Variants in TMPRSS11B observed in about 807,000 individuals in gnomAD.
The protein encoded by TMPRSS11B is transmembrane protease serine 11B.
In TMPRSS11B, 53 loss-of-function variants were observed where a neutral mutation model predicts 44.7. That is an observed-to-expected ratio of 1.19 (90% CI 0.95 to 1.49). The LOEUF (loss-of-function observed/expected upper bound fraction) is 1.49, where lower values mean the gene tolerates loss of function less well. Ranked by LOEUF, TMPRSS11B falls within the 40% of genes most tolerant of loss-of-function variation. The probability of loss-of-function intolerance (pLI) is 0.00; values close to 1 mark genes in which losing one functional copy is unlikely to be tolerated. For synonymous variants in TMPRSS11B, 140 were observed against 159.2 expected, an observed-to-expected ratio of 0.88 and a Z score of 0.91; for missense variants, 526 against 494.8, an observed-to-expected ratio of 1.06 and a Z score of -0.60.
chr4:68,226,948 A>G lies in TMPRSS11B; in HGVS notation c.*963T>C, dbSNP rs1251129972. ...TTCTTTAATTCCTGACAAATTTTGGATGTCAACTCAATGAGGACAAATTTG... is the reference window on the plus strand; with the variant it reads ...TTCTTTAATTCCTGACAAATTTTGGGTGTCAACTCAATGAGGACAAATTTG... On this transcript the variant is annotated 3_prime_UTR_variant, in exon 10 of 10. Transcript: ENST00000332644. 1 of 152,250 alleles carries G rather than the reference A, an allele frequency of 6.6e-6. No individual in the cohort carries two copies. Among genetic ancestry groups the G allele is most frequent in the Non-Finnish European group, 1.5e-5 (1 of 68,044 alleles). The allele number at this position is 152,250 out of a possible 1,614,324, so 9.4% of individuals were successfully genotyped here. A position where few individuals can be genotyped will look rare whatever the true frequency, so the allele number is the denominator to read the frequency against.
In TMPRSS11B at chr4:68,226,779, C is replaced by T. The variant is rs1029861071; in HGVS notation, c.*1132G>A. ...AAAGTTAGCCATCCATATGATTGCA[C>T]TTTTACTATAAGGAGATGCCACACA... On this transcript the variant is annotated 3_prime_UTR_variant, in exon 10 of 10. Transcript: ENST00000332644. The T allele has an allele frequency of 6.6e-5, 10 of 152,268 alleles. No individual in the cohort carries two copies. Among genetic ancestry groups the T allele is most frequent in the Admixed American group, 4.6e-4 (7 of 15,298 alleles). The allele number at this position is 152,268 out of a possible 1,614,324, so 9.4% of individuals were successfully genotyped here. A position where few individuals can be genotyped will look rare whatever the true frequency, so the allele number is the denominator to read the frequency against.
Position 68,232,534 on chromosome 4 carries a change from T to G in TMPRSS11B, c.470-118A>C. On this transcript the variant is annotated intron_variant, in intron 5 of 9. Coordinates refer to ENST00000332644, the MANE Select transcript of TMPRSS11B (RefSeq NM_182502.3). ...CCCAATATTGTCCAACATTTAACTA[T>G]TTGGAGTAGTTCAGGTATTTTCAGC... The G allele has an allele frequency of 6.9e-6, 6 of 864,374 alleles. No individual in the cohort carries two copies. The South Asian group carries it at 9.8e-5, about 14-fold the overall frequency. The allele number at this position is 864,374 out of a possible 1,614,324, so 53.5% of individuals were successfully genotyped here.
intron 2 of TMPRSS11B, among the ~76,000 whole-genome samples, chr4:68,239,284 G>A (rs988368385): frequency 8.1e-4 from 122 of 151,418 alleles, no homozygotes; most frequent in African/African-American, 2.7e-3. Context: ...TCTCTCTCTC[G>A]CACTCTATCT....
intron 2 of TMPRSS11B, among the ~76,000 whole-genome samples, chr4:68,237,002 A>G (rs938566053): frequency 6.6e-6 from 1 of 151,630 alleles, no homozygotes; most frequent in Non-Finnish European, 1.5e-5. Context: ...GATTTGTCAC[A>G]TAGGTATACA....
chr4:68,242,329 TTATATTATA>T (rs1719872476), intron 1 of TMPRSS11B, among the ~76,000 whole-genome samples: 1 of 9,064 alleles, frequency 1.1e-4, no homozygotes, highest in African/African-American at 2.7e-4. Flanking sequence ...ATATATAATA[TTATATTATA>T]TATATATTAT....
In TMPRSS11B at chr4:68,227,896, A is replaced by G; in HGVS notation, c.*15T>C. 1 of 1,594,244 alleles carries G rather than the reference A, an allele frequency of 6.3e-7. No homozygotes were observed. The highest frequency in any genetic ancestry group is 8.5e-7 in the Non-Finnish European group (1 of 1,172,458). ...TACAGTGGTCTTTATGTTCCTTTGT[A>G]TAATTCCTTTTTTTTCAGAGTCCAG... On this transcript the variant is annotated 3_prime_UTR_variant, in exon 10 of 10. Coordinates refer to ENST00000332644, the MANE Select transcript of TMPRSS11B (RefSeq NM_182502.3).
At chr4:68,232,875 C>T (rs10006952) in intron 5 of TMPRSS11B, among the ~76,000 whole-genome samples, 3,292 of 135,442 alleles carry the variant, frequency 0.024, 111 homozygotes, top group African/African-American at 0.083. Context: ...CTTACAAATA[C>T]TTTTAAGAGA....
intron 1 of TMPRSS11B, among the ~76,000 whole-genome samples, chr4:68,243,702 TC>T (rs1215000237): frequency 6.6e-6 from 1 of 152,188 alleles, no homozygotes; most frequent in Non-Finnish European, 1.5e-5. Context: ...CAGTAAGGTC[TC>T]AAATTTGTTT....
intron 2 of TMPRSS11B, among the ~76,000 whole-genome samples, chr4:68,237,832 A>G (rs944284656): frequency 6.6e-6 from 1 of 152,170 alleles, no homozygotes; most frequent in Admixed American, 6.5e-5. Context: ...CCTGGACAGC[A>G]TAGTGAGAGC....
intron 9 of TMPRSS11B, 113 bp from the exon 10 acceptor site, chr4:68,228,185 G>GCATTTTTTC: frequency 1.0e-6 from 1 of 983,170 alleles, no homozygotes; most frequent in Non-Finnish European, 1.4e-6. Context: ...CTCTCTTTGG[G>GCATTTTTTC]CTTAGAACTC....
chr4:68,231,950 C>G (rs1006708665), intron 6 of TMPRSS11B: 1 of 157,016 alleles, frequency 6.4e-6, no homozygotes, highest in Admixed American at 6.5e-5. Flanking sequence ...TGCACTCCAG[C>G]CCACACAACA....
intron 2 of TMPRSS11B, 111 bp from the exon 3 acceptor site, chr4:68,236,377 A>G (rs1719667988): frequency 5.9e-6 from 4 of 678,336 alleles, no homozygotes; most frequent in South Asian, 1.9e-5. Flanking sequence ...TAATCCATTT[A>G]TACCTCTGCC....
chr4:68,242,807 T>C (rs1022384983), intron 1 of TMPRSS11B, among the ~76,000 whole-genome samples: 2 of 152,086 alleles, frequency 1.3e-5, no homozygotes, highest in Non-Finnish European at 2.9e-5. Context: ...GCTCAAGCGA[T>C]CTGCCCATCT....
Position 68,236,060 on chromosome 4 carries a change from C to A in TMPRSS11B, c.250G>T (p.Ala84Ser). 6.3e-7 allele frequency: 1 copy of A among 1,591,232 alleles called. No individual in the cohort carries two copies. Among genetic ancestry groups the A allele is most frequent in the Non-Finnish European group, 8.5e-7 (1 of 1,169,860 alleles). The change falls in exon 4 of 10, where the codon GCA becomes TCA. Residue 84 changes from alanine (A) to serine (S), a missense_variant. Coordinates refer to ENST00000332644, the MANE Select transcript of TMPRSS11B (RefSeq NM_182502.3). ...SKDIETKMLNAFQNSSIYKEY... is the reference protein window; with the variant it reads ...SKDIETKMLNSFQNSSIYKEY... Reference sequence around the variant, plus strand: ...TTATATATACTGGAATTTTGAAATGCATTTAACATCTGACAAGAGAAAAAA... The same window carrying A: ...TTATATATACTGGAATTTTGAAATGAATTTAACATCTGACAAGAGAAAAAA...
intron 2 of TMPRSS11B, among the ~76,000 whole-genome samples, chr4:68,239,834 G>C (rs1358191517): frequency 6.6e-6 from 1 of 152,170 alleles, no homozygotes; most frequent in Non-Finnish European, 1.5e-5. Flanking sequence ...GTAGGGCCTA[G>C]AGAATGAACA....
intron 4 of TMPRSS11B, 28 bp from the exon 5 acceptor site, chr4:68,234,651 A>G (rs111706671): frequency 1.9e-6 from 3 of 1,608,602 alleles, no homozygotes; most frequent in Non-Finnish European, 2.5e-6. Flanking sequence ...TTTCTAATGT[A>G]CTGTTTCTTG....
intron 4 of TMPRSS11B, 107 bp from the exon 5 acceptor site, chr4:68,234,730 T>C: frequency 2.5e-6 from 3 of 1,209,228 alleles, no homozygotes; most frequent in Non-Finnish European, 3.4e-6. Flanking sequence ...TTTACATATA[T>C]TAAAGAAAAA....
intron 2 of TMPRSS11B, among the ~76,000 whole-genome samples, chr4:68,240,331 T>C (rs1389653981): frequency 1.3e-5 from 2 of 152,204 alleles, no homozygotes; most frequent in African/African-American, 4.8e-5. Flanking sequence ...TTTGTGTCCA[T>C]TTTTACTCCA....
At position 68,228,741 on chromosome 4, in the gene TMPRSS11B, C is replaced by T. The variant is rs75647314; in HGVS notation, c.1089+1G>A. On this transcript the variant is annotated splice_donor_variant, in intron 9 of 9. Coordinates refer to ENST00000332644, the MANE Select transcript of TMPRSS11B (RefSeq NM_182502.3). LOFTEE classifies it high-confidence loss of function. ...CAACTGGATAATGTAACTAGACATA[C>T]CTGACATGCATCAGCTTCTCCTGAC... 3 of 1,606,838 alleles carry T rather than the reference C, an allele frequency of 1.9e-6. No homozygotes were observed. In the East Asian group the frequency reaches 6.8e-5, roughly 36 times the overall value.
Sources: gnomAD v4.1 joint callset for allele counts (sites outside exome capture counted in the v4.1 genomes callset) on GRCh38, gnomAD v4.1.1 for gene constraint, MANE v1.5 for transcripts, NCBI Gene and HGNC (gene_info 2026-07-23, HGNC 2026-07-21) for gene names.